The following AP2B1 variants were observed in gnomAD, a reference collection of about 807,000 sequenced individuals.
AP2B1 encodes AP-2 complex subunit beta.
A neutral mutation model predicts 102.0 loss-of-function variants in AP2B1; 23 were observed. The ratio of observed to expected loss-of-function variants is 0.23; its 90% CI spans 0.16 to 0.32. AP2B1 has a LOEUF of 0.32. Ranked by LOEUF, AP2B1 falls within the 10% of genes least tolerant of loss-of-function variation. The probability of loss-of-function intolerance (pLI) is 1.00; values close to 1 mark genes in which losing one functional copy is unlikely to be tolerated. For synonymous variants in AP2B1, 381 were observed against 421.2 expected, an observed-to-expected ratio of 0.90 and a Z score of 1.17; for missense variants, 541 against 1,157.4, an observed-to-expected ratio of 0.47 and a Z score of 7.73.
chr17:35,628,453 G>T (rs1048256288), intron 9 of AP2B1, among the ~76,000 whole-genome samples: 2 of 152,110 alleles, frequency 1.3e-5, no homozygotes, highest in African/African-American at 2.4e-5. Context: ...ACTTTTTTAA[G>T]TTAGCTGGGT....
chr17:35,631,759 G>A (rs1336730208), intron 9 of AP2B1, among the ~76,000 whole-genome samples: 1 of 152,124 alleles, frequency 6.6e-6, no homozygotes, highest in Non-Finnish European at 1.5e-5. Flanking sequence ...GAGTATCCTT[G>A]CAACTAAATC....
intron 5 of AP2B1, among the ~76,000 whole-genome samples, chr17:35,623,097 A>ATTTT (rs11397695): frequency 3.1e-4 from 45 of 146,474 alleles, no homozygotes; most frequent in African/African-American, 1.1e-3. Flanking sequence ...GTATGTATGC[A>ATTTT]TTTTTTTTTT....
chr17:35,718,885 A>G (rs1457458767), intron 21 of AP2B1, among the ~76,000 whole-genome samples: 4 of 152,028 alleles, frequency 2.6e-5, no homozygotes, highest in Admixed American at 6.6e-5. Context: ...TAAGTAAACC[A>G]TGGCTAAGAA....
chr17:35,632,253 G>T (rs2074483538), intron 9 of AP2B1, among the ~76,000 whole-genome samples: 1 of 152,006 alleles, frequency 6.6e-6, no homozygotes, highest in South Asian at 2.1e-4. Flanking sequence ...TCCTGCCTCA[G>T]CCTCCAGAGT....
At position 35,723,699 on chromosome 17, in the gene AP2B1, A is replaced by G. The variant is rs139725424; in HGVS notation, c.2856A>G (p.Ter952=). ...TCTACGACAGCATTTTGAAAAACTA[A>G]CAAGACTGGTCCAGTACCCTTCAAC... ...YQVYDSILKN[*] Residue 952 remains the stop codon, a stop_retained_variant, in exon 22 of 22, where the codon TAA becomes TAG. Transcript: ENST00000610402. 21 of 1,603,164 alleles carry G rather than the reference A, an allele frequency of 1.3e-5. No individual in the cohort carries two copies. The Admixed American group carries it at 1.8e-4, about 14-fold the overall frequency.
intron 17 of AP2B1, among the ~76,000 whole-genome samples, chr17:35,680,117 A>G (rs1022597526): frequency 1.8e-4 from 28 of 152,136 alleles, no homozygotes; most frequent in African/African-American, 6.3e-4. Context: ...CGTATTGGCC[A>G]GGCTGGTCTC....
chr17:35,590,327 C>G (rs1322867672), intron 1 of AP2B1, among the ~76,000 whole-genome samples: 3 of 152,026 alleles, frequency 2.0e-5, no homozygotes, highest in Non-Finnish European at 4.4e-5. Flanking sequence ...GAGGTGAGAA[C>G]TCATTATATG....
intron 14 of AP2B1, among the ~76,000 whole-genome samples, chr17:35,664,754 G>A (rs147944771): frequency 2.0e-5 from 3 of 152,258 alleles, no homozygotes; most frequent in Admixed American, 6.5e-5. Flanking sequence ...GCTTACATTC[G>A]CGTAGGGGAG....
intron 3 of AP2B1, among the ~76,000 whole-genome samples, chr17:35,601,265 T>C (rs1356878542): frequency 6.6e-6 from 1 of 152,228 alleles, no homozygotes; most frequent in Non-Finnish European, 1.5e-5. Flanking sequence ...AGTGGGATTC[T>C]TTTTGGGGGA....
At chr17:35,670,298 C>A (rs970982351) in intron 14 of AP2B1, among the ~76,000 whole-genome samples, 2 of 152,166 alleles carry the variant, frequency 1.3e-5, no homozygotes, top group African/African-American at 4.8e-5. Flanking sequence ...CTAAAAATCA[C>A]TTTTGTTCCA....
chr17:35,657,679 A>C lies in AP2B1; in HGVS notation c.1877A>C (p.Asp626Ala). 6.2e-7 allele frequency: 1 copy of C among 1,614,144 alleles called. No individual in the cohort carries two copies. Among genetic ancestry groups the C allele is most frequent in the Non-Finnish European group, 8.5e-7 (1 of 1,180,006 alleles). Residue 626 changes from aspartate to alanine, a missense_variant, in exon 14 of 22, where the codon GAT becomes GCT. By Grantham distance (126) the Asp-to-Ala change is moderately radical (BLOSUM62 -2). Around this residue, in one of 10 missense-constraint regions of AP2B1, gnomAD observed 39 missense variants for 42.0 expected, o/e 0.93. Coordinates refer to ENST00000610402, the MANE Select transcript of AP2B1 (RefSeq NM_001030006.2). ...CCTCAGGTTATCCCCTCTCAAGGTGATCTTCTAGGGGATCTTTTAAACCTT... is the reference window on the plus strand; with the variant it reads ...CCTCAGGTTATCCCCTCTCAAGGTGCTCTTCTAGGGGATCTTTTAAACCTT... ...EQPQVIPSQG[D>A]LLGDLLNLDL...
At chr17:35,720,569 ATATATTTTTTTT>A (rs1237965945) in intron 21 of AP2B1, among the ~76,000 whole-genome samples, 125 of 50,314 alleles carry the variant, frequency 2.5e-3, no homozygotes, top group Middle Eastern at 0.011. Context: ...ATATATATAT[ATATATTTTTTTT>A]TTTTTTTTTT....
At chr17:35,680,628 G>T (rs2075797023) in intron 17 of AP2B1, among the ~76,000 whole-genome samples, 1 of 151,688 alleles carries the variant, frequency 6.6e-6, no homozygotes, top group African/African-American at 2.4e-5. Flanking sequence ...GCCTGGCCTG[G>T]GTCTCCCAAA....
chr17:35,646,351 A>C (rs187674943), intron 12 of AP2B1, among the ~76,000 whole-genome samples: 1 of 151,784 alleles, frequency 6.6e-6, no homozygotes, highest in African/African-American at 2.4e-5. Flanking sequence ...ACTGGCTTAC[A>C]GTAGGCCTAA....
chr17:35,697,619 G>GT (rs1377070044), intron 18 of AP2B1, among the ~76,000 whole-genome samples: 1 of 152,166 alleles, frequency 6.6e-6, no homozygotes, highest in Non-Finnish European at 1.5e-5. Flanking sequence ...GAAGAACCCT[G>GT]TCTTTTTCCT....
intron 18 of AP2B1, among the ~76,000 whole-genome samples, chr17:35,689,369 G>A (rs919148272): frequency 7.9e-5 from 12 of 151,932 alleles, no homozygotes; most frequent in African/African-American, 2.7e-4. Flanking sequence ...TAGTAGAGAC[G>A]GGGTTTCACC....
intron 18 of AP2B1, among the ~76,000 whole-genome samples, chr17:35,698,868 CA>C (rs1397069347): frequency 6.6e-6 from 1 of 152,216 alleles, no homozygotes; most frequent in Non-Finnish European, 1.5e-5. Flanking sequence ...GAAGGTTCGT[CA>C]TTCTAATTTA....
At chr17:35,602,107 T>TTGCTTGCA in intron 3 of AP2B1, among the ~76,000 whole-genome samples, 1 of 152,376 alleles carries the variant, frequency 6.6e-6, no homozygotes, top group Non-Finnish European at 1.5e-5. Context: ...ATATGCTTGC[T>TTGCTTGCA]ATTGCTGATA....
At chr17:35,635,235 G>T (rs956619011) in intron 9 of AP2B1, among the ~76,000 whole-genome samples, 4 of 152,160 alleles carry the variant, frequency 2.6e-5, no homozygotes, top group Admixed American at 1.3e-4. Context: ...TGTATTTTTA[G>T]TAGAGACGGG....
Sources: allele counts gnomAD v4.1 joint callset (sites outside exome capture counted in the v4.1 genomes callset), GRCh38; gene constraint gnomAD v4.1.1; regional missense constraint gnomAD v4.1.1; transcripts MANE v1.5; gene names NCBI Gene and HGNC (gene_info 2026-07-23, HGNC 2026-07-21).